The following SHANK1 variants were observed in gnomAD, a reference collection of about 807,000 sequenced individuals.
SHANK1 encodes the protein SH3 and multiple ankyrin repeat domains 1, also known as SH3 and multiple ankyrin repeat domains protein 1.
Under a neutral mutation model 165.6 loss-of-function variants are expected in SHANK1, and 35 were observed. The observed-to-expected ratio is 0.21, with a 90% CI of 0.16 to 0.28. The LOEUF (loss-of-function observed/expected upper bound fraction) is 0.28. Ranked by LOEUF, SHANK1 falls within the 10% of genes least tolerant of loss-of-function variation. The probability of loss-of-function intolerance (pLI) is 1.00; values close to 1 mark genes in which losing one functional copy is unlikely to be tolerated. For missense variants in SHANK1, 2,681 were observed against 3,036.4 expected (o/e 0.88, Z 2.75); for synonymous variants, 1,428 against 1,384.8 (o/e 1.03, Z -0.69).
rs767848654 is a variant in SHANK1, at chr19:50,716,883, G to C, written c.37C>G (p.Arg13Gly). 1 of 1,476,504 alleles carries C rather than the reference G, an allele frequency of 6.8e-7. No homozygotes were observed. Among genetic ancestry groups the C allele is most frequent in the East Asian group, 2.4e-5 (1 of 40,894 alleles). The allele number at this position is 1,476,504 out of a possible 1,614,324, so 91.5% of individuals were successfully genotyped here. The change falls in exon 2 of 24, where the codon CGC becomes GGC. Residue 13 changes from arginine (R) to glycine (G), a missense_variant. Coordinates refer to ENST00000293441, the MANE Select transcript of SHANK1 (RefSeq NM_016148.5). The surrounding 1 kb of genome is among the most constrained non-coding windows in gnomAD (Gnocchi z 8.4). ...TCGGGACACTCGCTGGCACTGTGGCGTTCCTCGTCCTCGCTTGTCGCGGGG... is the reference window on the plus strand; with the variant it reads ...TCGGGACACTCGCTGGCACTGTGGCCTTCCTCGTCCTCGCTTGTCGCGGGG... ...HSPATSEDEE[R>G]HSASECPEGG...
At chr19:50,698,445 G>A (rs1197042342) in intron 12 of SHANK1, among the ~76,000 whole-genome samples, 1 of 152,104 alleles carries the variant, frequency 6.6e-6, no homozygotes, top group African/African-American at 2.4e-5. Flanking sequence ...CCTGGCTCTA[G>A]AAGGGAAAAG....
In SHANK1 at chr19:50,716,146, T is replaced by G. The variant is rs2089067126; in HGVS notation, c.459+129A>C. The G allele has an allele frequency of 1.2e-6, 1 of 830,040 alleles. No homozygotes were observed. The highest frequency in any genetic ancestry group is 1.7e-5 in the African/African-American group (1 of 59,004). 51.4% of individuals were successfully genotyped at this position (830,040 alleles called of 1,614,324 possible). ...GACTCTCTGACTTCCCTGTGATGCT[T>G]AGAAGGTCTGGACTCGCACACTGGG... On this transcript the variant is annotated intron_variant, in intron 3 of 23. Coordinates refer to ENST00000293441, the MANE Select transcript of SHANK1 (RefSeq NM_016148.5). This position sits in a 1 kb window ranked among gnomAD's most constrained non-coding sequence, Gnocchi z 8.4.
chr19:50,711,609 C>G, intron 7 of SHANK1, 122 bp from the exon 8 acceptor site: 1 of 738,386 alleles, frequency 1.4e-6, no homozygotes, highest in Admixed American at 2.5e-5. Flanking sequence ...ATCCACCTCC[C>G]CATCACCTTT....
At chr19:50,681,071 T>C (rs1986164239) in intron 21 of SHANK1, among the ~76,000 whole-genome samples, 1 of 151,628 alleles carries the variant, frequency 6.6e-6, no homozygotes, top group South Asian at 2.1e-4. Flanking sequence ...AGAGGGAAGA[T>C]GCAGGGTGAA....
intron 15 of SHANK1, among the ~76,000 whole-genome samples, chr19:50,695,932 C>G (rs1251517120): frequency 1.3e-5 from 2 of 152,144 alleles, no homozygotes; most frequent in Non-Finnish European, 2.9e-5. Flanking sequence ...CCGCCCAGCT[C>G]CGGCAGGGAG....
chr19:50,678,757 GGA>G (rs1986059289), intron 21 of SHANK1, among the ~76,000 whole-genome samples: 5 of 105,502 alleles, frequency 4.7e-5, no homozygotes, highest in Non-Finnish European at 7.4e-5. Context: ...AGGGTGATGG[GGA>G]AAGGTCAGGG....
At chr19:50,712,755 C>A (rs1237286974) in intron 6 of SHANK1, among the ~76,000 whole-genome samples, 1 of 152,230 alleles carries the variant, frequency 6.6e-6, no homozygotes, top group Non-Finnish European at 1.5e-5. Context: ...CAGAACGTTT[C>A]CCCCATCATG....
chr19:50,687,550 G>A, intron 19 of SHANK1, 32 bp downstream of exon 19: 2 of 1,522,024 alleles, frequency 1.3e-6, no homozygotes, highest in Non-Finnish European at 8.9e-7. Context: ...TCTCCCCCCG[G>A]CCCCCTGGCC....
rs753855836 is a variant in SHANK1, at chr19:50,666,969, C to T, written c.4991G>A (p.Gly1664Asp). ...AAPAPAAPQPGPDPPPGTDSG... is the reference protein window; with the variant it reads ...AAPAPAAPQPDPDPPPGTDSG... ...ATCCGTGCCAGGCGGAGGGTCCGGG[C>T]CAGGCTGTGGGGCAGCGGGAGCCGG... Residue 1664 changes from glycine (G) to aspartate (D), a missense_variant, in exon 23 of 24, where the codon GGC (glycine) becomes GAC (aspartate). Gly to Asp is a moderately conservative substitution (Grantham distance 94). Coordinates refer to ENST00000293441, the MANE Select transcript of SHANK1 (RefSeq NM_016148.5). 2 of 1,588,244 alleles carry T rather than the reference C, an allele frequency of 1.3e-6. No individual in the cohort carries two copies. Among genetic ancestry groups the T allele is most frequent in the Non-Finnish European group, 1.7e-6 (2 of 1,166,498 alleles).
chr19:50,686,494 C>T lies in SHANK1; in HGVS notation c.2459-139G>A, dbSNP rs909485864. The T allele has an allele frequency of 1.1e-5, 8 of 737,624 alleles. No homozygotes were observed. The highest frequency in any genetic ancestry group is 2.7e-4 in the Middle Eastern group (1 of 3,768). 45.7% of individuals were successfully genotyped at this position (737,624 alleles called of 1,614,324 possible). On this transcript the variant is annotated intron_variant, in intron 20 of 23. Coordinates refer to ENST00000293441, the MANE Select transcript of SHANK1 (RefSeq NM_016148.5). This position sits in a 1 kb window ranked among gnomAD's most constrained non-coding sequence, Gnocchi z 5.7. ...AGGAAAGGGCAGCCCTGCCTGGGTC[C>T]GGGTGGACGGGCAGTCCCGCTTGGA...
chr19:50,681,862 C>T (rs1344219760), intron 21 of SHANK1, among the ~76,000 whole-genome samples: 3 of 152,084 alleles, frequency 2.0e-5, no homozygotes, highest in African/African-American at 7.2e-5. Flanking sequence ...GCTTTGACCT[C>T]CCTTGCTCGA....
chr19:50,716,950 G>A lies in SHANK1; in HGVS notation c.-31C>T. 7.1e-7 allele frequency: 1 copy of A among 1,416,052 alleles called. No individual in the cohort carries two copies. Among genetic ancestry groups the A allele is most frequent in the South Asian group, 1.6e-5 (1 of 63,218 alleles). The allele number at this position is 1,416,052 out of a possible 1,614,324, so 87.7% of individuals were successfully genotyped here. Reference sequence around the variant, plus strand: ...GGCCACGGGGCGACGGGGGACGGCAGCATCACAGGCGGCTGCAGGGGCCAA... The same window carrying A: ...GGCCACGGGGCGACGGGGGACGGCAACATCACAGGCGGCTGCAGGGGCCAA... On this transcript the variant is annotated 5_prime_UTR_variant, in exon 2 of 24. Coordinates refer to ENST00000293441, the MANE Select transcript of SHANK1 (RefSeq NM_016148.5). This position sits in a 1 kb window ranked among gnomAD's most constrained non-coding sequence, Gnocchi z 8.4.
intron 21 of SHANK1, among the ~76,000 whole-genome samples, chr19:50,683,288 C>T (rs1441380171): frequency 1.3e-5 from 2 of 152,164 alleles, no homozygotes; most frequent in Admixed American, 6.6e-5. Flanking sequence ...GACAGGCTTC[C>T]ACAACAAAGA....
intron 8 of SHANK1, chr19:50,711,138 C>A: frequency 1.9e-6 from 1 of 531,972 alleles, no homozygotes; most frequent in Non-Finnish European, 3.4e-6. Flanking sequence ...TTGTCCCCAG[C>A]ACCCAGCTCC....
chr19:50,707,918 T>C (rs1314593501), intron 8 of SHANK1, among the ~76,000 whole-genome samples: 1 of 102,308 alleles, frequency 9.8e-6, no homozygotes, highest in African/African-American at 4.1e-5. Flanking sequence ...TTTCTTTTCT[T>C]TTCTTTTCTT....
In SHANK1 at chr19:50,716,505, G is replaced by A. The variant is rs984849940; in HGVS notation, c.256-27C>T. The stretch of plus-strand genomic sequence containing the variant: ...TGGTTGGGGAAGAGATAGGGGCTAG[G>A]GTGGGCCAGGGGCCAGAGGAGAGCC... On this transcript the variant is annotated intron_variant, in intron 2 of 23. Coordinates refer to ENST00000293441, the MANE Select transcript of SHANK1 (RefSeq NM_016148.5). The surrounding 1 kb of genome is among the most constrained non-coding windows in gnomAD (Gnocchi z 8.4). The A allele has an allele frequency of 6.2e-7, 1 of 1,612,126 alleles. No individual in the cohort carries two copies. Among genetic ancestry groups the A allele is most frequent in the Admixed American group, 1.7e-5 (1 of 59,964 alleles).
Position 50,704,441 on chromosome 19 carries a change from A to G in SHANK1, c.1151T>C (p.Phe384Ser). Residue 384 changes from phenylalanine to serine, a missense_variant, in exon 9 of 24, where the codon TTC becomes TCC. Physicochemically the swap from Phe to Ser is radical, Grantham distance 155. This residue lies in a region of SHANK1 where 189 missense variants were observed against 440.9 expected (regional missense o/e 0.43). Transcript: ENST00000293441. The stretch of plus-strand genomic sequence containing the variant: ...ACATCCCCTGCAGCCCCAGACCTGG[A>G]AGGGGGTCTGTCCGTTGTTGTTCTT... ...DVKNNNGQTP[F>S]QVAVIAGNFE... is the part of the protein sequence containing the mutation. The G allele has an allele frequency of 6.2e-7, 1 of 1,613,758 alleles. No homozygotes were observed. Among genetic ancestry groups the G allele is most frequent in the East Asian group, 2.2e-5 (1 of 44,870 alleles).
At chr19:50,694,885 G>A (rs1272327498) in intron 15 of SHANK1, among the ~76,000 whole-genome samples, 5 of 150,616 alleles carry the variant, frequency 3.3e-5, no homozygotes, top group Admixed American at 6.6e-5. Flanking sequence ...CAAAGCAGGA[G>A]GCGGCGCGCT....
rs901421722 is a variant in SHANK1, at chr19:50,670,170, C to G, written c.2675-885G>C. On this transcript the variant is annotated intron_variant, in intron 22 of 23. Transcript: ENST00000293441. The surrounding 1 kb of genome is among the most constrained non-coding windows in gnomAD (Gnocchi z 4.1). ...CCCAAGCTCCTGATCTCCTCACCAA[C>G]AGACTCCTCCCAGCCCACGGTCCCT... Among the ~76,000 whole-genome samples the G allele has an allele frequency of 2.0e-5, 3 of 152,110 alleles. No individual in the cohort carries two copies. The highest frequency in any genetic ancestry group is 7.2e-5 in the African/African-American group (3 of 41,398).
Sources: gnomAD v4.1 joint callset for allele counts (sites outside exome capture counted in the v4.1 genomes callset) on GRCh38, gnomAD v4.1.1 for gene constraint, gnomAD v4.1.1 regional missense constraint, Gnocchi (gnomAD v3.1) non-coding constraint, MANE v1.5 for transcripts, NCBI Gene and HGNC (gene_info 2026-07-23, HGNC 2026-07-21) for gene names.